Variants in CPNE5 observed in about 807,000 individuals in gnomAD.
CPNE5 encodes copine-5.
CPNE5 carries 42 observed loss-of-function variants against 81.1 expected under a neutral mutation model. That is an observed-to-expected ratio of 0.52 (90% CI 0.40 to 0.67). CPNE5 has a LOEUF of 0.67. Among genes scored for constraint, CPNE5 ranks in the 30% least tolerant of loss-of-function variants. The pLI is 0.00. For synonymous variants in CPNE5, 313 were observed against 321.5 expected (o/e 0.97, Z 0.28); for missense variants, 612 against 815.5 (o/e 0.75, Z 3.04).
intron 1 of CPNE5, chr6:36,838,643 C>A: frequency 2.3e-6 from 1 of 439,160 alleles, no homozygotes; most frequent in Non-Finnish European, 3.0e-6. Context: ...AGATTTTTGA[C>A]CCAAGTTATT....
intron 3 of CPNE5, among the ~76,000 whole-genome samples, chr6:36,804,922 C>T (rs897881619): frequency 5.9e-5 from 9 of 152,264 alleles, no homozygotes; most frequent in African/African-American, 2.2e-4. Context: ...GTAGTTAAGA[C>T]GTGCAGATCA....
intron 14 of CPNE5, 32 bp downstream of exon 14, chr6:36,753,002 A>G: frequency 6.4e-7 from 1 of 1,573,628 alleles, no homozygotes; most frequent in Non-Finnish European, 8.7e-7. Context: ...CCTCTCCCCA[A>G]GGCCCATGAA....
intron 16 of CPNE5, 48 bp from the exon 17 acceptor site, chr6:36,745,563 G>A: frequency 1.9e-6 from 3 of 1,557,834 alleles, no homozygotes; most frequent in Non-Finnish European, 2.6e-6. Context: ...GAAGGACAGG[G>A]GTGCACGATG....
At chr6:36,812,775 C>A (rs1476236841) in intron 3 of CPNE5, among the ~76,000 whole-genome samples, 1 of 152,216 alleles carries the variant, frequency 6.6e-6, no homozygotes, top group Non-Finnish European at 1.5e-5. Context: ...CCACTAAAGG[C>A]TTTCCAAGTG....
At chr6:36,762,697 G>C (rs1259862234) in intron 12 of CPNE5, among the ~76,000 whole-genome samples, 2 of 152,152 alleles carry the variant, frequency 1.3e-5, no homozygotes, top group African/African-American at 4.8e-5. Context: ...GCCAAGTCTG[G>C]GTTGTTTGTG....
rs76115782 is a variant in CPNE5, at chr6:36,805,116, T to C, written c.184-5046A>G. ...TGGCAGGAACACAACTGAAGAGACG[T>C]TGAAAAAAAAATCAATTTGGCTGCT... is the stretch of plus-strand genomic sequence containing the variant. On this transcript the variant is annotated intron_variant, in intron 3 of 20. Transcript: ENST00000244751. Among the ~76,000 whole-genome samples, 519 of 152,264 alleles carry C rather than the reference T, an allele frequency of 3.4e-3. 3 individuals are homozygous for C. Among genetic ancestry groups the C allele is most frequent in the African/African-American group, 0.012 (494 of 41,540 alleles).
chr6:36,811,879 G>A (rs1053807257), intron 3 of CPNE5, among the ~76,000 whole-genome samples: 24 of 152,186 alleles, frequency 1.6e-4, no homozygotes, highest in Admixed American at 1.2e-3. Context: ...CGAGGTGGGC[G>A]GATCTCCTGA....
chr6:36,832,163 A>G (rs1773033262), intron 1 of CPNE5, among the ~76,000 whole-genome samples: 1 of 152,244 alleles, frequency 6.6e-6, no homozygotes, highest in South Asian at 2.1e-4. Flanking sequence ...AACACTGTCC[A>G]CTGTCCATTG....
intron 1 of CPNE5, chr6:36,827,703 A>G (rs1772623699): frequency 1.0e-6 from 1 of 985,400 alleles, no homozygotes; most frequent in Admixed American, 6.1e-5. Context: ...GCAATGAGTC[A>G]CTTGCCCACA....
chr6:36,818,319 G>A (rs1054907359), intron 3 of CPNE5, among the ~76,000 whole-genome samples: 4 of 152,054 alleles, frequency 2.6e-5, no homozygotes, highest in Non-Finnish European at 5.9e-5. Flanking sequence ...CCTTCTCGTC[G>A]TTTCCCGTTA....
At chr6:36,832,305 C>T (rs1345037038) in intron 1 of CPNE5, among the ~76,000 whole-genome samples, 2 of 152,210 alleles carry the variant, frequency 1.3e-5, no homozygotes, top group African/African-American at 4.8e-5. Flanking sequence ...TCTCTTCCTG[C>T]TGACAGAATC....
At chr6:36,809,387 G>A (rs1427685746) in intron 3 of CPNE5, among the ~76,000 whole-genome samples, 1 of 151,990 alleles carries the variant, frequency 6.6e-6, no homozygotes, top group Non-Finnish European at 1.5e-5. Context: ...ACCAACCTGG[G>A]CAACATAGTG....
chr6:36,770,766 C>T (rs376194511), intron 10 of CPNE5, among the ~76,000 whole-genome samples: 1 of 152,166 alleles, frequency 6.6e-6, no homozygotes, highest in East Asian at 1.9e-4. Flanking sequence ...CTCAATGTGG[C>T]TGAAACCAAG....
At chr6:36,758,417 T>TTTTC in intron 12 of CPNE5, among the ~76,000 whole-genome samples, 2 of 148,312 alleles carry the variant, frequency 1.3e-5, no homozygotes, top group East Asian at 4.2e-4. Flanking sequence ...GTCTGGCTAT[T>TTTTC]TTTTTTTTTT....
Position 36,839,386 on chromosome 6 carries a change from G to A in CPNE5, c.-9C>T. On this transcript the variant is annotated 5_prime_UTR_variant, in exon 1 of 21. Coordinates refer to ENST00000244751, the MANE Select transcript of CPNE5 (RefSeq NM_020939.2). This position sits in a 1 kb window ranked among gnomAD's most constrained non-coding sequence, Gnocchi z 7.3. Reference sequence around the variant, plus strand: ...TCCTCAGGCTGCTCCATCGCCCACCGCACCCCCCACCCCAAATTAGTCAAT... The same window carrying A: ...TCCTCAGGCTGCTCCATCGCCCACCACACCCCCCACCCCAAATTAGTCAAT... 6 of 1,538,806 alleles carry A rather than the reference G, an allele frequency of 3.9e-6. No homozygotes were observed. In the African/African-American group the frequency reaches 6.9e-5, roughly 18 times the overall value.
chr6:36,784,528 A>G (rs1254310251), intron 8 of CPNE5, among the ~76,000 whole-genome samples: 2 of 152,228 alleles, frequency 1.3e-5, no homozygotes, highest in African/African-American at 4.8e-5. Flanking sequence ...AGGCTGGAGA[A>G]AGTGGCAATA....
At chr6:36,752,787 G>A (rs558614477) in intron 14 of CPNE5, among the ~76,000 whole-genome samples, 12 of 152,328 alleles carry the variant, frequency 7.9e-5, no homozygotes, top group Admixed American at 2.6e-4. Context: ...TCTGCATGGA[G>A]ACCTGACATG....
intron 1 of CPNE5, chr6:36,827,211 C>T (rs1772576025): frequency 2.1e-6 from 1 of 483,080 alleles, no homozygotes; most frequent in Non-Finnish European, 2.7e-6. Context: ...TGCCTCTCGC[C>T]TATGTCCCTG....
At chr6:36,838,821 T>C in intron 1 of CPNE5, 2 of 849,120 alleles carry the variant, frequency 2.4e-6, no homozygotes, top group South Asian at 5.4e-5. Context: ...GAGGGGAGGA[T>C]CAGGATGCTG....
Sources: gnomAD v4.1 joint callset for allele counts (sites outside exome capture counted in the v4.1 genomes callset) on GRCh38, gnomAD v4.1.1 for gene constraint, Gnocchi (gnomAD v3.1) non-coding constraint, MANE v1.5 for transcripts, NCBI Gene and HGNC (gene_info 2026-07-23, HGNC 2026-07-21) for gene names.